The following AOPEP variants were observed in gnomAD, a reference collection of about 807,000 sequenced individuals.
AOPEP encodes aminopeptidase O.
Under a neutral mutation model 98.1 loss-of-function variants are expected in AOPEP, and 77 were observed. The observed-to-expected ratio is 0.78, with a 90% confidence interval of 0.65 to 0.95. AOPEP has a LOEUF of 0.95. Ranked by LOEUF, AOPEP falls within the 40% of genes least tolerant of loss-of-function variation. The pLI is 0.00. For synonymous variants in AOPEP, 346 were observed against 365.3 expected (o/e 0.95, Z 0.60); for missense variants, 1,024 against 1,024.7 (o/e 1.00, Z 0.01).
At chr9:94,782,181 C>T (rs879775358) in intron 3 of AOPEP, among the ~76,000 whole-genome samples, 1 of 151,430 alleles carries the variant, frequency 6.6e-6, no homozygotes, top group South Asian at 2.1e-4. Flanking sequence ...CAGAGTGAGA[C>T]TCCGTCTCAA....
rs769665748 is a variant in AOPEP at position 94,727,423 on chromosome 9, C to T, written c.-136+672C>T. 4.9e-4 allele frequency among the ~76,000 whole-genome samples: 75 copies of T among 152,136 alleles called. 1 individual carries two copies. Among genetic ancestry groups the T allele is most frequent in the Non-Finnish European group, 1.1e-3 (72 of 68,042 alleles). On this transcript the variant is annotated intron_variant, in intron 1 of 16. Coordinates refer to ENST00000375315, the MANE Select transcript of AOPEP (RefSeq NM_001193329.3). ...AGCATTGCATAAAATGCCCCTTGTA[C>T]CTGATTTCTTTTTGGTTTTCGTGCA...
intron 10 of AOPEP, among the ~76,000 whole-genome samples, chr9:94,973,239 A>G (rs1268884715): frequency 6.6e-6 from 1 of 152,216 alleles, no homozygotes; most frequent in African/African-American, 2.4e-5. Context: ...AGAGCTGAAG[A>G]CAGGAGCCAA....
At chr9:95,001,331 A>C (rs1024875312) in intron 11 of AOPEP, among the ~76,000 whole-genome samples, 3 of 152,252 alleles carry the variant, frequency 2.0e-5, no homozygotes, top group Admixed American at 6.5e-5. Flanking sequence ...CTTTGACAAA[A>C]AAAGTTTCTT....
At chr9:94,886,305 G>A (rs4385527) in intron 5 of AOPEP, among the ~76,000 whole-genome samples, 47,397 of 152,112 alleles carry the variant, frequency 0.31, 8,530 homozygotes, top group Non-Finnish European at 0.42. Flanking sequence ...GAACATTCCT[G>A]AGACGTCCAT....
intron 7 of AOPEP, among the ~76,000 whole-genome samples, chr9:94,939,216 C>A (rs894068225): frequency 5.3e-5 from 8 of 150,578 alleles, no homozygotes; most frequent in Admixed American, 2.0e-4. Flanking sequence ...CCACTGCACT[C>A]CAGCCTTGGT....
At chr9:95,104,202 C>T in the AOPEP span, among the ~76,000 whole-genome samples, 6 of 152,214 alleles carry the variant, frequency 3.9e-5, no homozygotes, top group Non-Finnish European at 8.8e-5. Context: ...GCCACGCGGC[C>T]ACCGCAGCGA....
the AOPEP span, among the ~76,000 whole-genome samples, chr9:95,103,611 G>A: frequency 3.3e-5 from 5 of 152,350 alleles, no homozygotes; most frequent in Middle Eastern, 6.8e-3. Context: ...AGGAGTGCCT[G>A]GCGAGAGGCC....
intron 13 of AOPEP, among the ~76,000 whole-genome samples, chr9:95,051,185 G>A (rs2133792181): frequency 6.8e-6 from 1 of 146,994 alleles, no homozygotes; most frequent in East Asian, 2.0e-4. Context: ...CGCCTCCCAG[G>A]TTCGAGTGAT....
At chr9:95,035,613 G>C (rs1203684278) in intron 13 of AOPEP, among the ~76,000 whole-genome samples, 2 of 142,016 alleles carry the variant, frequency 1.4e-5, no homozygotes, top group African/African-American at 5.2e-5. Flanking sequence ...CCGGCTCCTG[G>C]GTTCAAGTGA....
the AOPEP span, among the ~76,000 whole-genome samples, chr9:95,147,772 A>G: frequency 1.3e-5 from 2 of 152,290 alleles, no homozygotes; most frequent in East Asian, 1.9e-4. Context: ...GAGTCTGAAG[A>G]AAAAAAATTT....
intron 1 of AOPEP, among the ~76,000 whole-genome samples, chr9:94,739,448 C>G (rs1388351536): frequency 6.6e-6 from 1 of 151,970 alleles, no homozygotes; most frequent in Non-Finnish European, 1.5e-5. Flanking sequence ...AGTTCGACAC[C>G]AGCCTGACCA....
rs1290751218 is a variant in AOPEP at position 95,005,546 on chromosome 9, C to A, written c.2045C>A (p.Thr682Lys). Residue 682 changes from threonine (T) to lysine (K), a missense_variant, in exon 13 of 17, where the codon ACG becomes AAG. Thr to Lys is a moderately conservative substitution (Grantham distance 78, BLOSUM62 -1). Around this residue, in one of 3 missense-constraint regions of AOPEP, gnomAD observed 566 missense variants for 551.7 expected, o/e 1.03. Coordinates refer to ENST00000375315, the MANE Select transcript of AOPEP (RefSeq NM_001193329.3). ...GCTGTGGTTTTTGAACCTCAGGTCA[C>A]GAAATGGATTGGAGTGAACCGGAGA... is the stretch of plus-strand genomic sequence containing the variant. ...GLARQVRAEVTKWIGVNRRPR... is the reference protein window; with the variant it reads ...GLARQVRAEVKKWIGVNRRPR... The A allele has an allele frequency of 6.2e-7, 1 of 1,613,674 alleles. No individual in the cohort carries two copies. The highest frequency in any genetic ancestry group is 8.5e-7 in the Non-Finnish European group (1 of 1,179,876).
intron 5 of AOPEP, among the ~76,000 whole-genome samples, chr9:94,917,551 C>T (rs2053008384): frequency 6.6e-6 from 1 of 152,172 alleles, no homozygotes; most frequent in Non-Finnish European, 1.5e-5. Context: ...CTCCATGTGA[C>T]ATGAAACCAT....
At chr9:95,063,141 C>G (rs1015452750) in intron 14 of AOPEP, among the ~76,000 whole-genome samples, 1 of 152,072 alleles carries the variant, frequency 6.6e-6, no homozygotes. Context: ...AAGGGAAATC[C>G]GTTCCACAGA....
At chr9:94,729,576 T>A (rs1409356786) in intron 1 of AOPEP, among the ~76,000 whole-genome samples, 6 of 140,702 alleles carry the variant, frequency 4.3e-5, no homozygotes, top group Non-Finnish European at 1.5e-5. Flanking sequence ...ACACTGTCTT[T>A]AAAAAAAAAA....
At chr9:94,879,970 C>T (rs2047377584) in intron 5 of AOPEP, among the ~76,000 whole-genome samples, 1 of 152,186 alleles carries the variant, frequency 6.6e-6, no homozygotes, top group African/African-American at 2.4e-5. Flanking sequence ...TGTGAATCCA[C>T]GCTTAACATT....
At chr9:95,139,564 C>A in the AOPEP span, among the ~76,000 whole-genome samples, 1 of 151,978 alleles carries the variant, frequency 6.6e-6, no homozygotes, top group Non-Finnish European at 1.5e-5. Context: ...ACGGAGTATG[C>A]CCCTATTTCA....
the AOPEP span, among the ~76,000 whole-genome samples, chr9:95,098,312 CCTCCCATCCCCTGGACTAG>C: frequency 6.6e-6 from 1 of 152,182 alleles, no homozygotes. Flanking sequence ...AACTCGGCTT[CCTCCCATCCCCTGGACTAG>C]CTCCCATTTC....
At chr9:94,959,237 G>T (rs2058665607) in intron 9 of AOPEP, among the ~76,000 whole-genome samples, 1 of 151,956 alleles carries the variant, frequency 6.6e-6, no homozygotes, top group Admixed American at 6.6e-5. Flanking sequence ...TAGAGACAGG[G>T]TTTCACCATG....
Sources: allele counts gnomAD v4.1 joint callset (sites outside exome capture counted in the v4.1 genomes callset), GRCh38; gene constraint gnomAD v4.1.1; regional missense constraint gnomAD v4.1.1; transcripts MANE v1.5; gene names NCBI Gene and HGNC (gene_info 2026-07-23, HGNC 2026-07-21).